ROBO2: variants seen among roughly 807,000 people sequenced by gnomAD.
The protein encoded by ROBO2 is roundabout guidance receptor 2.
Under a neutral mutation model 160.8 loss-of-function variants are expected in ROBO2, and 53 were observed. That is an observed-to-expected ratio of 0.33 (90% confidence interval 0.26 to 0.41). The LOEUF (loss-of-function observed/expected upper bound fraction) is 0.41, where lower values mean the gene tolerates loss of function less well. Among genes scored for constraint, ROBO2 ranks in the 10% least tolerant of loss-of-function variants. ROBO2 has a pLI of 1.00. For synonymous variants in ROBO2, 664 were observed against 611.7 expected, an observed-to-expected ratio of 1.09 and a Z score of -1.26; for missense variants, 1,577 against 1,722.4, an observed-to-expected ratio of 0.92 and a Z score of 1.49.
intron 2 of ROBO2, among the ~76,000 whole-genome samples, chr3:77,393,159 T>C (rs2074919031): frequency 1.3e-5 from 2 of 152,230 alleles, no homozygotes; most frequent in Admixed American, 1.3e-4. Flanking sequence ...CTATTTTCTT[T>C]GTTTATTGAT....
chr3:76,403,011 C>A (rs2108772109), intron 2 of ROBO2, among the ~76,000 whole-genome samples: 1 of 151,688 alleles, frequency 6.6e-6, no homozygotes, highest in East Asian at 1.9e-4. Flanking sequence ...GAGACTCTGA[C>A]AGAAAGACTG....
chr3:76,606,752 AC>A (rs2087691739), intron 2 of ROBO2, among the ~76,000 whole-genome samples: 1 of 152,104 alleles, frequency 6.6e-6, no homozygotes, highest in African/African-American at 2.4e-5. Flanking sequence ...CAAAGGAGAA[AC>A]CAGAGGATTA....
At chr3:77,532,388 C>G (rs1278276034) in intron 6 of ROBO2, among the ~76,000 whole-genome samples, 1 of 152,024 alleles carries the variant, frequency 6.6e-6, no homozygotes, top group Non-Finnish European at 1.5e-5. Context: ...TCAGTTATAT[C>G]TTGGTAATGA....
intron 2 of ROBO2, among the ~76,000 whole-genome samples, chr3:76,065,258 T>C (rs73842949): frequency 0.021 from 3,129 of 152,214 alleles, 44 homozygotes; most frequent in East Asian, 0.081. Flanking sequence ...CCTACAATTA[T>C]AGAATATGTT....
intron 2 of ROBO2, among the ~76,000 whole-genome samples, chr3:76,384,704 G>A (rs1438702233): frequency 6.6e-6 from 1 of 152,050 alleles, no homozygotes; most frequent in Non-Finnish European, 1.5e-5. Context: ...TGGCAGGAAG[G>A]GTAAGTACTG....
chr3:76,414,137 G>T (rs1454517463), intron 2 of ROBO2, among the ~76,000 whole-genome samples: 10 of 150,054 alleles, frequency 6.7e-5, no homozygotes, highest in Admixed American at 6.6e-4. Flanking sequence ...CAGCCCCCAT[G>T]ATTCAATTAC....
chr3:76,895,691 C>T lies in ROBO2; in HGVS notation c.110-202323C>T, dbSNP rs151005731. On this transcript the variant is annotated intron_variant, in intron 2 of 26. Transcript: ENST00000487694. ...AGTCTGCAATATTGAACTGAAATAG[C>T]TAAAATAACTGCAAAATATGATTAT... Among the ~76,000 whole-genome samples the T allele has an allele frequency of 2.7e-3, 408 of 152,176 alleles. 2 individuals carry two copies. The highest frequency in any genetic ancestry group is 9.3e-3 in the African/African-American group (385 of 41,530).
chr3:75,979,596 A>G (rs965351900), intron 2 of ROBO2, among the ~76,000 whole-genome samples: 1 of 151,540 alleles, frequency 6.6e-6, no homozygotes, highest in Non-Finnish European at 1.5e-5. Flanking sequence ...ATGGAGATTT[A>G]GGACATAACA....
chr3:77,054,153 A>G (rs2065485979), intron 1 of ROBO2, among the ~76,000 whole-genome samples: 1 of 152,164 alleles, frequency 6.6e-6, no homozygotes. Flanking sequence ...TTTCCATTGG[A>G]AAGTTCAAGT....
chr3:76,460,706 C>T (rs79878183), intron 2 of ROBO2, among the ~76,000 whole-genome samples: 3,343 of 152,280 alleles, frequency 0.022, 123 homozygotes, highest in African/African-American at 0.074. Context: ...CAGCCAGTTT[C>T]TTGACTTCAT....
At chr3:77,338,474 T>C (rs1457591414) in intron 2 of ROBO2, among the ~76,000 whole-genome samples, 1 of 152,128 alleles carries the variant, frequency 6.6e-6, no homozygotes, top group Non-Finnish European at 1.5e-5. Context: ...CAAATGACCT[T>C]AAAGATAAAA....
intron 2 of ROBO2, among the ~76,000 whole-genome samples, chr3:76,807,867 A>T (rs2064857766): frequency 6.6e-6 from 1 of 152,016 alleles, no homozygotes; most frequent in African/African-American, 2.4e-5. Context: ...ATCACTGAAA[A>T]CACTATTCCA....
intron 2 of ROBO2, among the ~76,000 whole-genome samples, chr3:76,410,402 C>T (rs924778347): frequency 6.6e-6 from 1 of 151,962 alleles, no homozygotes; most frequent in East Asian, 1.9e-4. Context: ...CTTTTATCAC[C>T]TCATAGATGA....
chr3:77,218,233 A>T (rs745878003), intron 2 of ROBO2, among the ~76,000 whole-genome samples: 11 of 152,074 alleles, frequency 7.2e-5, no homozygotes, highest in Middle Eastern at 6.3e-3. Context: ...TACTTCCACC[A>T]TGCCTGCCCA....
chr3:76,441,913 T>G (rs991079111), intron 2 of ROBO2, among the ~76,000 whole-genome samples: 2 of 152,134 alleles, frequency 1.3e-5, no homozygotes, highest in Admixed American at 6.6e-5. Context: ...TGCCTTTAAT[T>G]TAGTAAATGT....
intron 2 of ROBO2, among the ~76,000 whole-genome samples, chr3:77,288,801 A>C (rs991577841): frequency 1.1e-4 from 17 of 152,298 alleles, no homozygotes; most frequent in African/African-American, 3.8e-4. Context: ...ATACAAATTG[A>C]TTATACCTGG....
chr3:76,711,531 C>G (rs2093293820), intron 2 of ROBO2, among the ~76,000 whole-genome samples: 1 of 152,124 alleles, frequency 6.6e-6, no homozygotes, highest in Non-Finnish European at 1.5e-5. Flanking sequence ...ATTAGGCTCA[C>G]TAGCTGGAAA....
chr3:76,420,137 T>A (rs2075930122), intron 2 of ROBO2, among the ~76,000 whole-genome samples: 1 of 152,194 alleles, frequency 6.6e-6, no homozygotes, highest in Admixed American at 6.5e-5. Context: ...TATCACCCAC[T>A]TATTATTTGG....
At chr3:76,381,719 C>T (rs945538985) in intron 2 of ROBO2, among the ~76,000 whole-genome samples, 1 of 152,160 alleles carries the variant, frequency 6.6e-6, no homozygotes, top group Non-Finnish European at 1.5e-5. Context: ...AATCATCCTA[C>T]AAATATTAAG....
Sources: gnomAD v4.1 joint callset for allele counts (sites outside exome capture counted in the v4.1 genomes callset) on GRCh38, gnomAD v4.1.1 for gene constraint, MANE v1.5 for transcripts, NCBI Gene and HGNC (gene_info 2026-07-23, HGNC 2026-07-21) for gene names.